The following DIAPH2 variants were observed in gnomAD, a reference collection of about 807,000 sequenced individuals.
DIAPH2 encodes protein diaphanous homolog 2.
Under a neutral mutation model 92.7 loss-of-function variants are expected in DIAPH2, and 35 were observed. That is an observed-to-expected ratio of 0.38 (90% CI 0.29 to 0.50). The LOEUF (loss-of-function observed/expected upper bound fraction) is 0.50, where lower values mean the gene tolerates loss of function less well. DIAPH2 is among the 20% of genes least tolerant of loss of function. DIAPH2 has a pLI of 0.94. For missense variants in DIAPH2, 701 were observed against 819.5 expected, an observed-to-expected ratio of 0.86 and a Z score of 1.77; for synonymous variants, 301 against 280.4, an observed-to-expected ratio of 1.07 and a Z score of -0.73.
At chrX:97,575,661 T>G (rs1012190823) in intron 26 of DIAPH2, among the ~76,000 whole-genome samples, 2 of 111,531 alleles carry the variant, frequency 1.8e-5, no homozygotes, top group Non-Finnish European at 3.8e-5. Flanking sequence ...GGATCTGCAG[T>G]GTGAGGTAGC....
rs2068607871 is a variant in DIAPH2, at chrX:97,293,076, TG to T, written c.2844+45238del. Among the ~76,000 whole-genome samples the T allele has an allele frequency of 3.6e-5, 4 of 110,086 alleles. No homozygotes were observed. The South Asian group carries it at 1.6e-3, about 43-fold the overall frequency. On this transcript the variant is annotated intron_variant, in intron 23 of 26. Coordinates refer to ENST00000324765, the MANE Select transcript of DIAPH2 (RefSeq NM_006729.5). ...AATAACATGAAAGTGAAAAAGGATG[TG>T]TGAGCCTACAAAAGACTTAGGCCAA...
chrX:97,408,176 C>G (rs936244032), intron 25 of DIAPH2, among the ~76,000 whole-genome samples: 1 of 111,120 alleles, frequency 9.0e-6, no homozygotes, highest in African/African-American at 3.3e-5. Context: ...ATGAAGCACC[C>G]TATGCTTTAT....
At chrX:97,378,157 C>T (rs769761182) in intron 24 of DIAPH2, among the ~76,000 whole-genome samples, 8 of 109,667 alleles carry the variant, frequency 7.3e-5, no homozygotes, top group African/African-American at 1.0e-4. Flanking sequence ...CCAAGGCGGG[C>T]GGATCACTTG....
chrX:97,495,034 A>G (rs1228410319), intron 26 of DIAPH2, among the ~76,000 whole-genome samples: 8 of 112,655 alleles, frequency 7.1e-5, no homozygotes, highest in African/African-American at 2.6e-4. Context: ...CCCTTCAGGC[A>G]GTGCACCAAA....
At chrX:96,853,326 A>G (rs1258582143) in intron 4 of DIAPH2, among the ~76,000 whole-genome samples, 30 of 111,718 alleles carry the variant, frequency 2.7e-4, no homozygotes. Context: ...AATTAACTAC[A>G]CACTGTTAAT....
intron 4 of DIAPH2, among the ~76,000 whole-genome samples, chrX:96,798,967 C>T (rs1180719294): frequency 2.7e-5 from 3 of 110,866 alleles, no homozygotes; most frequent in African/African-American, 9.8e-5. Context: ...GATAGTTGTT[C>T]TGTGCCCATT....
chrX:96,749,298 A>T (rs2064172638), intron 3 of DIAPH2, among the ~76,000 whole-genome samples: 1 of 110,069 alleles, frequency 9.1e-6, no homozygotes, highest in South Asian at 3.8e-4. Flanking sequence ...AAATGATTTA[A>T]AATTAGTTTA....
intron 22 of DIAPH2, among the ~76,000 whole-genome samples, chrX:97,147,603 T>C: frequency 9.0e-6 from 1 of 111,226 alleles, no homozygotes; most frequent in Middle Eastern, 4.6e-3. Flanking sequence ...TAATTAAAGC[T>C]ATTTTATTCA....
intron 4 of DIAPH2, among the ~76,000 whole-genome samples, chrX:96,834,487 C>A (rs2064875050): frequency 8.9e-6 from 1 of 111,899 alleles, no homozygotes; most frequent in Non-Finnish European, 1.9e-5. Context: ...ATAAGCTTTT[C>A]ACTTCAATAG....
chrX:96,961,405 T>C (rs377716363), intron 16 of DIAPH2, among the ~76,000 whole-genome samples: 24 of 108,520 alleles, frequency 2.2e-4, no homozygotes, highest in East Asian at 8.6e-4. Flanking sequence ...GTCTTTCTTT[T>C]TTTTTTTTTC....
intron 1 of DIAPH2, among the ~76,000 whole-genome samples, chrX:96,732,803 C>G (rs2064063970): frequency 8.9e-6 from 1 of 111,944 alleles, no homozygotes; most frequent in Non-Finnish European, 1.9e-5. Context: ...AAGGGCAGCT[C>G]TAGAATTAGA....
intron 1 of DIAPH2, among the ~76,000 whole-genome samples, chrX:96,711,295 C>A (rs1325467067): frequency 8.9e-6 from 1 of 111,908 alleles, no homozygotes; most frequent in Non-Finnish European, 1.9e-5. Context: ...TTCCCACCAG[C>A]AGTATGTGAA....
In DIAPH2 at chrX:97,111,245, G is replaced by C. The variant is rs992483068; in HGVS notation, c.2350-3481G>C. Among the ~76,000 whole-genome samples, 4 of 111,882 alleles carry C rather than the reference G, an allele frequency of 3.6e-5. No homozygotes were observed. The Admixed American group carries it at 3.8e-4, about 11-fold the overall frequency. The stretch of plus-strand genomic sequence containing the variant: ...TTTACAGGAATTTCTCCCACTTTAC[G>C]ATGGGGAAACTAAGACCAGAAAATT... On this transcript the variant is annotated intron_variant, in intron 20 of 26. Transcript: ENST00000324765.
Position 97,072,923 on chromosome X carries a change from C to T in DIAPH2, c.2051-18C>T. 9.0e-7 allele frequency: 1 copy of T among 1,106,955 alleles called. No individual in the cohort carries two copies. Among genetic ancestry groups the T allele is most frequent in the Non-Finnish European group, 1.2e-6 (1 of 815,640 alleles). The allele number at this position is 1,106,955 out of a possible 1,213,427, so 91.2% of individuals were successfully genotyped here. On this transcript the variant is annotated intron_variant, in intron 17 of 26. Coordinates refer to ENST00000324765, the MANE Select transcript of DIAPH2 (RefSeq NM_006729.5). ...ATTAGTACCCTTATTGTTTATGAAT[C>T]AACATTTTTTCTTTCAGTTCAAAAG...
intron 9 of DIAPH2, among the ~76,000 whole-genome samples, chrX:96,919,678 A>AT (rs1482079371): frequency 9.0e-6 from 1 of 110,743 alleles, no homozygotes; most frequent in Non-Finnish European, 1.9e-5. Context: ...AAGTATTTGT[A>AT]TTTTTGTTTG....
chrX:96,968,028 T>C (rs1019787632), intron 17 of DIAPH2, among the ~76,000 whole-genome samples: 1 of 110,177 alleles, frequency 9.1e-6, no homozygotes, highest in Non-Finnish European at 1.9e-5. Flanking sequence ...TATATAAGTG[T>C]TCTGTTTTCT....
Position 96,906,227 on chromosome X carries a change from G to A in DIAPH2, c.588-6101G>A, listed in dbSNP as rs371366435. Among the ~76,000 whole-genome samples the A allele has an allele frequency of 7.1e-5, 8 of 112,644 alleles. No homozygotes were observed. In the South Asian group the frequency reaches 1.5e-3, roughly 21 times the overall value. On this transcript the variant is annotated intron_variant, in intron 5 of 26. Transcript: ENST00000324765. ...AATGATGCCCCTGTTTCAGCCTCCC[G>A]AATAGCTGAGATGACAGGCATGACA... is the stretch of plus-strand genomic sequence containing the variant.
intron 19 of DIAPH2, 112 bp downstream of exon 19, chrX:97,075,373 C>T: frequency 1.8e-5 from 7 of 392,398 alleles, no homozygotes; most frequent in Non-Finnish European, 3.1e-5. Flanking sequence ...TTTAAAAAGA[C>T]ATTGAATAGT....
intron 17 of DIAPH2, among the ~76,000 whole-genome samples, chrX:97,061,841 ATTTTTAACTGC>A (rs1271975736): frequency 1.7e-4 from 17 of 101,595 alleles, no homozygotes; most frequent in African/African-American, 6.1e-4. Context: ...AAAAACGCTC[ATTTTTAACTGC>A]TTTTGATTTC....
Sources: gnomAD v4.1 joint callset for allele counts (sites outside exome capture counted in the v4.1 genomes callset) on GRCh38, gnomAD v4.1.1 for gene constraint, MANE v1.5 for transcripts, NCBI Gene and HGNC (gene_info 2026-07-23, HGNC 2026-07-21) for gene names.